NEBL: variants seen among roughly 807,000 people sequenced by gnomAD.
NEBL encodes nebulette.
In NEBL, 122 loss-of-function variants were observed where a neutral mutation model predicts 140.2. The observed-to-expected ratio is 0.87, with a 90% CI of 0.75 to 1.01. The LOEUF is 1.01. Ranked by LOEUF, NEBL falls within the 50% of genes least tolerant of loss-of-function variation. The pLI is 0.00. For missense variants in NEBL, 1,365 were observed against 1,231.3 expected, an observed-to-expected ratio of 1.11 and a Z score of -1.62; for synonymous variants, 436 against 398.9, an observed-to-expected ratio of 1.09 and a Z score of -1.11.
intron 2 of NEBL, among the ~76,000 whole-genome samples, chr10:21,107,157 A>G (rs1837755700): frequency 6.6e-6 from 1 of 152,142 alleles, no homozygotes; most frequent in African/African-American, 2.4e-5. Flanking sequence ...CTCTTTTCCT[A>G]ATTGAATACC....
intron 9 of NEBL, among the ~76,000 whole-genome samples, chr10:20,852,991 T>C (rs1171458423): frequency 3.3e-5 from 5 of 152,148 alleles, no homozygotes; most frequent in Non-Finnish European, 2.9e-5. Flanking sequence ...TAAAAGCAAT[T>C]TGTCTTGCTC....
chr10:20,830,811 GA>G (rs1319497169), intron 16 of NEBL, among the ~76,000 whole-genome samples: 1 of 149,642 alleles, frequency 6.7e-6, no homozygotes, highest in Admixed American at 6.7e-5. Flanking sequence ...ACTGAGGCAG[GA>G]AGATAAGCTT....
chr10:21,069,987 T>C (rs1396305480), intron 2 of NEBL: 1 of 456,258 alleles, frequency 2.2e-6, no homozygotes, highest in Middle Eastern at 3.3e-4. Flanking sequence ...GGAGCCAGAA[T>C]GCAGCCACTC....
chr10:21,093,224 T>A (rs1374409965), intron 2 of NEBL, among the ~76,000 whole-genome samples: 1 of 151,602 alleles, frequency 6.6e-6, no homozygotes, highest in African/African-American at 2.4e-5. Context: ...CACTTGGCTG[T>A]TTCTGCCTGG....
intron 1 of NEBL, among the ~76,000 whole-genome samples, chr10:21,275,076 T>A (rs963852841): frequency 6.6e-6 from 1 of 152,098 alleles, no homozygotes; most frequent in Non-Finnish European, 1.5e-5. Context: ...CCCACCACCA[T>A]GCAAGTGAAT....
intron 2 of NEBL, among the ~76,000 whole-genome samples, chr10:20,893,562 C>G (rs1004977429): frequency 1.3e-5 from 2 of 152,098 alleles, no homozygotes; most frequent in Admixed American, 6.6e-5. Flanking sequence ...CAAAGTGAAG[C>G]CACTTGACCT....
intron 20 of NEBL, 179 bp downstream of exon 20, chr10:20,819,245 G>T: frequency 9.2e-7 from 1 of 1,090,962 alleles, no homozygotes; most frequent in Non-Finnish European, 1.3e-6. Context: ...AGGCTCCGGT[G>T]TCTGTTATTC....
chr10:21,064,454 A>G (rs1464657224), intron 2 of NEBL, among the ~76,000 whole-genome samples: 3 of 152,208 alleles, frequency 2.0e-5, no homozygotes, highest in Non-Finnish European at 4.4e-5. Flanking sequence ...AAAACTCATG[A>G]TCCCACACTC....
At chr10:21,070,183 T>G (rs1199336238) in intron 2 of NEBL, among the ~76,000 whole-genome samples, 2 of 152,220 alleles carry the variant, frequency 1.3e-5, no homozygotes, top group Non-Finnish European at 2.9e-5. Context: ...ATACCCGGAC[T>G]GTTATGGAAA....
At chr10:20,847,418 A>T (rs1842049358) in intron 11 of NEBL, among the ~76,000 whole-genome samples, 1 of 152,188 alleles carries the variant, frequency 6.6e-6, no homozygotes, top group Admixed American at 6.5e-5. Flanking sequence ...GACTATCTAA[A>T]ATCCCAAATC....
chr10:20,903,670 G>A (rs1847969812), intron 4 of NEBL, among the ~76,000 whole-genome samples: 1 of 152,080 alleles, frequency 6.6e-6, no homozygotes, highest in Non-Finnish European at 1.5e-5. Context: ...CATACACCAC[G>A]GAATACAACT....
At chr10:21,128,105 C>T (rs568387481) in intron 2 of NEBL, among the ~76,000 whole-genome samples, 2 of 152,018 alleles carry the variant, frequency 1.3e-5, no homozygotes, top group South Asian at 4.2e-4. Context: ...CTTATGGTAC[C>T]CAGCACACAT....
At chr10:21,237,075 G>T (rs555024920) in intron 3 of NEBL, among the ~76,000 whole-genome samples, 1 of 152,150 alleles carries the variant, frequency 6.6e-6, no homozygotes, top group Admixed American at 6.5e-5. Context: ...TTGAACTTTC[G>T]TGTTTTGTAG....
chr10:20,818,297 C>T (rs1175531495), intron 20 of NEBL, among the ~76,000 whole-genome samples: 1 of 76,396 alleles, frequency 1.3e-5, no homozygotes, highest in Admixed American at 1.9e-4. Flanking sequence ...CCTTTACTAG[C>T]TGGGTGGGGG....
intron 2 of NEBL, among the ~76,000 whole-genome samples, chr10:21,141,065 A>AG (rs1405545171): frequency 6.6e-6 from 1 of 151,716 alleles, no homozygotes; most frequent in Non-Finnish European, 1.5e-5. Context: ...TTCGACAAAA[A>AG]AAAAAAAAAC....
Position 21,191,252 on chromosome 10 carries a change from T to A in NEBL, n.349-18775A>T, listed in dbSNP as rs146630468. Among the ~76,000 whole-genome samples, 366 of 152,296 alleles carry A rather than the reference T, an allele frequency of 2.4e-3. 1 individual carries two copies. The highest frequency in any genetic ancestry group is 8.3e-3 in the African/African-American group (343 of 41,554). On this transcript the variant is annotated intron_variant and non_coding_transcript_variant, in intron 3 of 8. Coordinates refer to the NEBL transcript ENST00000675702. ...GGAGCTTATGATATGCCAGCAGTAA[T>A]CTAAGCACTCCACATGCATTGACTA...
chr10:21,227,827 CTTT>C (rs1164223834), intron 3 of NEBL, among the ~76,000 whole-genome samples: 6 of 144,676 alleles, frequency 4.1e-5, no homozygotes, highest in African/African-American at 1.5e-4. Context: ...TCTTCTTCTT[CTTT>C]CTTCTTCTTC....
At position 20,782,564 on chromosome 10, in the gene NEBL, C is replaced by A. The variant is rs1299335263; in HGVS notation, c.*3183G>T. On this transcript the variant is annotated 3_prime_UTR_variant, in exon 28 of 28. Transcript: ENST00000377122. Reference sequence around the variant, plus strand: ...CACATTGGAAAAACCAGATCTGCATCTTCTTCAAGAAATAAACCCAGTGGA... The same window carrying A: ...CACATTGGAAAAACCAGATCTGCATATTCTTCAAGAAATAAACCCAGTGGA... 6.6e-6 allele frequency: 1 copy of A among 152,200 alleles called. No individual in the cohort carries two copies. 9.4% of individuals were successfully genotyped at this position (152,200 alleles called of 1,614,324 possible). A position where few individuals can be genotyped will look rare whatever the true frequency, so the allele number is the denominator to read the frequency against.
intron 4 of NEBL, among the ~76,000 whole-genome samples, chr10:20,918,845 C>T (rs1394884626): frequency 2.6e-5 from 4 of 151,412 alleles, no homozygotes; most frequent in Admixed American, 6.6e-5. Flanking sequence ...AGCGAGACTC[C>T]GCCTCAAAAA....
Sources: gnomAD v4.1 joint callset for allele counts (sites outside exome capture counted in the v4.1 genomes callset) on GRCh38, gnomAD v4.1.1 for gene constraint, MANE v1.5 for transcripts, NCBI Gene and HGNC (gene_info 2026-07-23, HGNC 2026-07-21) for gene names.